The following MYH13 variants were observed in gnomAD, a reference collection of about 807,000 sequenced individuals.
MYH13 encodes the protein myosin-13.
In MYH13, 177 loss-of-function variants were observed where a neutral mutation model predicts 232.1. That is an observed-to-expected ratio of 0.76 (90% confidence interval 0.67 to 0.86). The LOEUF is 0.86. Ranked by LOEUF, MYH13 falls within the 40% of genes least tolerant of loss-of-function variation. The pLI is 0.00. For synonymous variants in MYH13, 884 were observed against 923.5 expected (o/e 0.96, Z 0.78); for missense variants, 2,246 against 2,405.9 (o/e 0.93, Z 1.39).
At chr17:10,365,836 G>A in intron 2 of MYH13, among the ~76,000 whole-genome samples, 1 of 130,122 alleles carries the variant, frequency 7.7e-6, no homozygotes, top group African/African-American at 2.9e-5. Context: ...AGAACTTGCT[G>A]CATGGTGTGT....
At chr17:10,318,175 G>C (rs575791012) in intron 27 of MYH13, among the ~76,000 whole-genome samples, 3 of 152,246 alleles carry the variant, frequency 2.0e-5, no homozygotes, top group Non-Finnish European at 4.4e-5. Flanking sequence ...CTGGGAGGTA[G>C]AGGTTGCAGT....
chr17:10,365,702 T>G (rs563485174), intron 2 of MYH13, among the ~76,000 whole-genome samples: 181 of 152,300 alleles, frequency 1.2e-3, no homozygotes, highest in Non-Finnish European at 2.2e-3. Context: ...GATCCCCAGG[T>G]AATTTCTATG....
chr17:10,366,293 T>C (rs1266948898), intron 2 of MYH13, among the ~76,000 whole-genome samples: 1 of 151,710 alleles, frequency 6.6e-6, no homozygotes, highest in Admixed American at 6.6e-5. Context: ...CACTTAATTC[T>C]ATAACTGACA....
intron 11 of MYH13, among the ~76,000 whole-genome samples, chr17:10,352,661 G>C (rs915369839): frequency 6.6e-6 from 1 of 152,102 alleles, no homozygotes; most frequent in Admixed American, 6.6e-5. Context: ...CTGGCAGAAG[G>C]CATCTTGGTG....
intron 21 of MYH13, among the ~76,000 whole-genome samples, chr17:10,329,121 TC>T (rs1489573984): frequency 2.0e-5 from 3 of 152,158 alleles, no homozygotes; most frequent in African/African-American, 7.2e-5. Flanking sequence ...TCTTTTCATC[TC>T]CGTGCTGGCT....
Position 10,368,426 on chromosome 17 carries a change from A to C in MYH13, c.-13+2783T>G, listed in dbSNP as rs143514882. Among the ~76,000 whole-genome samples the C allele has an allele frequency of 9.8e-5, 15 of 152,368 alleles. No homozygotes were observed. The East Asian group carries it at 2.7e-3, about 27-fold the overall frequency. ...TAAATAAAAATGGTGCTTTATGAAT[A>C]AAATGGCCAGTTCAGCTTGCAACTC... On this transcript the variant is annotated intron_variant, in intron 2 of 40. Transcript: ENST00000252172.
At chr17:10,326,297 C>T (rs1405135427) in intron 22 of MYH13, among the ~76,000 whole-genome samples, 1 of 152,126 alleles carries the variant, frequency 6.6e-6, no homozygotes, top group Admixed American at 6.6e-5. Flanking sequence ...GGAAAGTGCT[C>T]CTATTAACTC....
Position 10,319,078 on chromosome 17 carries a change from G to T in MYH13, c.3450C>A (p.Ile1150=), listed in dbSNP as rs1309612889. The change falls in exon 27 of 41, where the codon ATC becomes ATA. Residue 1150 remains isoleucine (I), a synonymous_variant. Coordinates refer to ENST00000252172, the MANE Select transcript of MYH13 (RefSeq NM_003802.3). ...CACTGGCTTCTTCCAGCCTCTCGCT[G>T]ATCTCCTCCAGTTCCCTGGCCAGAT... ...RSDLARELEE[I]SERLEEASGA... is the part of the protein sequence containing the mutation. 6.2e-7 allele frequency: 1 copy of T among 1,614,112 alleles called. No homozygotes were observed.
chr17:10,301,634 T>C lies in MYH13; in HGVS notation c.5737A>G (p.Arg1913Gly). The C allele has an allele frequency of 6.2e-7, 1 of 1,614,202 alleles. No individual in the cohort carries two copies. ...VQHELEEAAE[R>G]ADIAESQVNK... ...ACCTGGGACTCAGCGATGTCCGCCC[T>C]CTCCGCGGCCTCCTCTAGCTCATGC... is the stretch of plus-strand genomic sequence containing the variant. Residue 1913 changes from arginine (R) to glycine (G), a missense_variant, in exon 40 of 41, where the codon AGG becomes GGG. By Grantham distance (125) the Arg-to-Gly change is moderately radical. Transcript: ENST00000252172.
rs370874263 is a variant in MYH13 at position 10,315,471 on chromosome 17, T to G, written c.3984+222A>C. On this transcript the variant is annotated intron_variant, in intron 29 of 40. Coordinates refer to ENST00000252172, the MANE Select transcript of MYH13 (RefSeq NM_003802.3). Reference sequence around the variant, plus strand: ...TACACCCAGCTAATTTTTTTTTGTATTTTTAGTGGAGACGGGGTTTCGCCA... The same window carrying G: ...TACACCCAGCTAATTTTTTTTTGTAGTTTTAGTGGAGACGGGGTTTCGCCA... 2.0e-3 allele frequency among the ~76,000 whole-genome samples: 307 copies of G among 152,260 alleles called. 5 individuals are homozygous for G. Among genetic ancestry groups the G allele is most frequent in the African/African-American group, 7.1e-3 (297 of 41,558 alleles).
rs780094985 is a variant in MYH13 at position 10,303,210 on chromosome 17, G to A, written c.5653C>T (p.Gln1885Ter). 6.2e-7 allele frequency: 1 copy of A among 1,613,258 alleles called. No homozygotes were observed. Among genetic ancestry groups the A allele is most frequent in the South Asian group, 1.1e-5 (1 of 91,034 alleles). ...CCTGTGCTTACCGCCTCCTCAGCCT[G>A]CCTCTTGTAAGACTTCACTTTGGCC... ...LQAKVKSYKR[Q>*]AEEAEEQANT... Residue 1885 changes from glutamine (Q) to a stop codon, truncating the protein, a stop_gained, in exon 39 of 41, where the codon CAG becomes TAG. Transcript: ENST00000252172. LOFTEE classifies it high-confidence loss of function.
chr17:10,355,093 T>C lies in MYH13; in HGVS notation c.793A>G (p.Ile265Val). 2 of 1,598,492 alleles carry C rather than the reference T, an allele frequency of 1.3e-6. No individual in the cohort carries two copies. The highest frequency in any genetic ancestry group is 4.5e-5 in the East Asian group (2 of 44,472). ...GATGKLASADIETYLLEKSRV... is the reference protein window; with the variant it reads ...GATGKLASADVETYLLEKSRV... The stretch of plus-strand genomic sequence containing the variant: ...GAGTGTTTGGACTCACAAGTTTCGA[T>C]GTCTGCCGATGCCAGCTTTCCTGTG... The change falls in exon 9 of 41, where the codon ATC (isoleucine) becomes GTC (valine). Residue 265 changes from isoleucine (I) to valine (V), a missense_variant. Physicochemically the swap from Ile to Val is conservative, Grantham distance 29. Transcript: ENST00000252172.
chr17:10,355,954 C>T (rs780920395), intron 8 of MYH13, among the ~76,000 whole-genome samples: 52 of 150,182 alleles, frequency 3.5e-4, no homozygotes, highest in Non-Finnish European at 6.2e-4. Context: ...CTCAGAGGCC[C>T]GGGCTCAGGC....
chr17:10,309,928 T>C, intron 33 of MYH13, 98 bp from the exon 34 acceptor site: 2 of 1,039,710 alleles, frequency 1.9e-6, no homozygotes, highest in Non-Finnish European at 2.6e-6. Flanking sequence ...TGCGTTTTTT[T>C]AAAAAAATTA....
intron 29 of MYH13, among the ~76,000 whole-genome samples, chr17:10,315,066 G>A (rs955723294): frequency 2.6e-5 from 4 of 152,170 alleles, no homozygotes; most frequent in African/African-American, 9.7e-5. Context: ...AGGTGGCCAG[G>A]ATGAATTGCT....
chr17:10,313,369 G>A lies in MYH13; in HGVS notation c.3985-15C>T, dbSNP rs9989461. ...GCGTTCTTGGCCTGGGAATGACAGCGGTGACAAATTGCAAAAACATTTGAC... is the reference window on the plus strand; with the variant it reads ...GCGTTCTTGGCCTGGGAATGACAGCAGTGACAAATTGCAAAAACATTTGAC... On this transcript the variant is annotated splice_polypyrimidine_tract_variant and intron_variant, in intron 29 of 40. Transcript: ENST00000252172. 0.12 allele frequency: 188,862 copies of A among 1,614,020 alleles called. 12,066 individuals carry two copies. The highest frequency in any genetic ancestry group is 0.16 in the South Asian group (14,919 of 91,074).
In MYH13 at chr17:10,345,065, A is replaced by G; in HGVS notation, c.1584+137T>C. 7 of 1,335,000 alleles carry G rather than the reference A, an allele frequency of 5.2e-6. No homozygotes were observed. In the South Asian group the frequency reaches 8.1e-5, roughly 16 times the overall value. The allele number at this position is 1,335,000 out of a possible 1,614,324, so 82.7% of individuals were successfully genotyped here. A position where few individuals can be genotyped will look rare whatever the true frequency, so the allele number is the denominator to read the frequency against. ...TTTAGGACATTCATTCTCTTTGCAA[A>G]TAGGCATTCAGTTATCTATCTGAAG... On this transcript the variant is annotated intron_variant, in intron 15 of 40. Transcript: ENST00000252172.
At chr17:10,340,971 T>G (rs912167720) in intron 16 of MYH13, 1 of 151,916 alleles carries the variant, frequency 6.6e-6, no homozygotes, top group Admixed American at 6.6e-5. Flanking sequence ...GAAAGCAAAC[T>G]GAATAATTTG....
At chr17:10,325,590 A>G (rs1412718946) in intron 22 of MYH13, among the ~76,000 whole-genome samples, 1 of 152,234 alleles carries the variant, frequency 6.6e-6, no homozygotes, top group African/African-American at 2.4e-5. Flanking sequence ...GTCCCAGAAG[A>G]TGCTGCAGTG....
Sources: allele counts gnomAD v4.1 joint callset (sites outside exome capture counted in the v4.1 genomes callset), GRCh38; gene constraint gnomAD v4.1.1; transcripts MANE v1.5; gene names NCBI Gene and HGNC (gene_info 2026-07-23, HGNC 2026-07-21).